Variants in PTPRK observed in about 807,000 individuals in gnomAD.
PTPRK encodes the protein receptor-type tyrosine-protein phosphatase kappa.
A neutral mutation model predicts 178.0 loss-of-function variants in PTPRK; 75 were observed. The observed-to-expected ratio is 0.42, with a 90% CI of 0.35 to 0.51. The LOEUF (loss-of-function observed/expected upper bound fraction) is 0.51. Among genes scored for constraint, PTPRK ranks in the 20% least tolerant of loss-of-function variants. PTPRK has a pLI of 0.02. For missense variants in PTPRK, 1,441 were observed against 1,797.8 expected (o/e 0.80, Z 3.59); for synonymous variants, 637 against 620.6 (o/e 1.03, Z -0.39).
intron 15 of PTPRK, among the ~76,000 whole-genome samples, chr6:128,002,536 A>G (rs1277874975): frequency 6.6e-6 from 1 of 151,962 alleles, no homozygotes; most frequent in Non-Finnish European, 1.5e-5. Flanking sequence ...AGGTTTAAAA[A>G]TTAATATAAT....
At chr6:128,326,282 T>A (rs902661504) in intron 2 of PTPRK, among the ~76,000 whole-genome samples, 26 of 152,124 alleles carry the variant, frequency 1.7e-4, no homozygotes, top group African/African-American at 5.1e-4. Flanking sequence ...ACATTCTGCA[T>A]ATGTATCTCA....
At position 128,520,402 on chromosome 6, in the gene PTPRK, CG is replaced by C. The variant is rs1299090174; in HGVS notation, c.-45del. The C allele has an allele frequency of 7.1e-6, 11 of 1,545,004 alleles. No individual in the cohort carries two copies. The highest frequency in any genetic ancestry group is 2.4e-5 in the East Asian group (1 of 41,580). Reference sequence around the variant, plus strand: ...TTCAAGCAGCTTTGCAAAGAGCTGCCGGGGGGATCGCCGCGAAATCCACGAC... The same window carrying C: ...TTCAAGCAGCTTTGCAAAGAGCTGCCGGGGGATCGCCGCGAAATCCACGAC... On this transcript the variant is annotated 5_prime_UTR_variant, in exon 1 of 30. Coordinates refer to ENST00000368226, the MANE Select transcript of PTPRK (RefSeq NM_002844.4).
At chr6:128,019,106 A>G (rs140400677) in intron 13 of PTPRK, among the ~76,000 whole-genome samples, 41 of 152,298 alleles carry the variant, frequency 2.7e-4, no homozygotes, top group Non-Finnish European at 5.3e-4. Context: ...TTTCTTGACA[A>G]TCTAAAACAT....
chr6:128,029,120 G>C (rs904045435), intron 13 of PTPRK, among the ~76,000 whole-genome samples: 1 of 152,040 alleles, frequency 6.6e-6, no homozygotes, highest in Non-Finnish European at 1.5e-5. Flanking sequence ...TTGGGGGTTG[G>C]CTCTCTCACG....
chr6:128,276,686 A>G (rs1174921667), intron 3 of PTPRK, among the ~76,000 whole-genome samples: 1 of 152,238 alleles, frequency 6.6e-6, no homozygotes, highest in Middle Eastern at 3.4e-3. Flanking sequence ...GTCTCTGTAG[A>G]TCTGGCTTGA....
At chr6:128,305,463 A>C (rs1228781831) in intron 3 of PTPRK, among the ~76,000 whole-genome samples, 2 of 152,208 alleles carry the variant, frequency 1.3e-5, no homozygotes, top group African/African-American at 2.4e-5. Flanking sequence ...AAACAAGTCT[A>C]CTAGAATCTA....
chr6:128,251,721 T>A lies in PTPRK; in HGVS notation c.496-9119A>T, dbSNP rs146189812. ...ACACGTGCCCACATAATTCTATGTA[T>A]CCATATATCACTGTAATTAATATTA... On this transcript the variant is annotated intron_variant, in intron 3 of 29. Transcript: ENST00000368226. Among the ~76,000 whole-genome samples, 382 of 152,284 alleles carry A rather than the reference T, an allele frequency of 2.5e-3. 1 individual carries two copies. Among genetic ancestry groups the A allele is most frequent in the African/African-American group, 8.8e-3 (364 of 41,554 alleles).
chr6:128,386,286 C>T (rs1008239506), intron 2 of PTPRK, among the ~76,000 whole-genome samples: 1 of 152,146 alleles, frequency 6.6e-6, no homozygotes, highest in African/African-American at 2.4e-5. Flanking sequence ...TTAAGAAGAA[C>T]TTTTTTACTA....
intron 2 of PTPRK, among the ~76,000 whole-genome samples, chr6:128,371,198 T>C (rs1431500969): frequency 6.6e-6 from 1 of 152,200 alleles, no homozygotes; most frequent in African/African-American, 2.4e-5. Flanking sequence ...CCCTTTACAA[T>C]TATTATACTG....
chr6:128,025,630 A>AACTGTATCTAGTTT (rs1562456546), intron 13 of PTPRK, among the ~76,000 whole-genome samples: 1 of 152,220 alleles, frequency 6.6e-6, no homozygotes, highest in Non-Finnish European at 1.5e-5. Flanking sequence ...TGGGAACTAG[A>AACTGTATCTAGTTT]GGGCCCCAAA....
rs191387207 is a variant in PTPRK at position 128,497,956 on chromosome 6, T to C, written c.100+22303A>G. 2.6e-5 allele frequency among the ~76,000 whole-genome samples: 4 copies of C among 152,284 alleles called. No homozygotes were observed. In the East Asian group the frequency reaches 5.8e-4, roughly 22 times the overall value. ...AACAATAAGTAGTTTTAAGAACAGG[T>C]TGACTAATATGCATCCTTAAAGAAT... is the stretch of plus-strand genomic sequence containing the variant. On this transcript the variant is annotated intron_variant, in intron 1 of 29. Coordinates refer to ENST00000368226, the MANE Select transcript of PTPRK (RefSeq NM_002844.4).
intron 2 of PTPRK, among the ~76,000 whole-genome samples, chr6:128,364,990 A>G (rs192754142): frequency 4.6e-5 from 7 of 152,160 alleles, no homozygotes; most frequent in African/African-American, 1.2e-4. Flanking sequence ...GAGTTTGATA[A>G]GCTATGTTTC....
intron 2 of PTPRK, among the ~76,000 whole-genome samples, chr6:128,334,815 G>A (rs144277101): frequency 3.3e-5 from 5 of 152,190 alleles, no homozygotes; most frequent in East Asian, 1.9e-4. Flanking sequence ...TTAAGGCCAA[G>A]CGCGGTGGCT....
intron 6 of PTPRK, among the ~76,000 whole-genome samples, chr6:128,205,022 T>C (rs576253623): frequency 2.3e-4 from 35 of 152,220 alleles, no homozygotes; most frequent in South Asian, 2.3e-3. Context: ...TAGATGCCCA[T>C]AAATGACCCA....
chr6:128,130,495 A>T (rs977141664), intron 7 of PTPRK, among the ~76,000 whole-genome samples: 2 of 151,974 alleles, frequency 1.3e-5, no homozygotes, highest in Non-Finnish European at 2.9e-5. Context: ...AAGTCCTAAA[A>T]TTTTTTTCCT....
intron 5 of PTPRK, among the ~76,000 whole-genome samples, chr6:128,231,150 T>A (rs1382021540): frequency 6.6e-6 from 1 of 152,204 alleles, no homozygotes; most frequent in Admixed American, 6.5e-5. Flanking sequence ...AAAAACCTTA[T>A]AATCCATGAT....
chr6:128,498,039 A>T (rs1200894707), intron 1 of PTPRK, among the ~76,000 whole-genome samples: 3 of 149,288 alleles, frequency 2.0e-5, no homozygotes, highest in Admixed American at 2.0e-4. Context: ...TCTGAGTTGT[A>T]AAAAAAAACA....
chr6:128,213,095 A>C (rs1583509414), intron 6 of PTPRK, among the ~76,000 whole-genome samples: 1 of 151,960 alleles, frequency 6.6e-6, no homozygotes, highest in Admixed American at 6.6e-5. Context: ...AATACTTTTC[A>C]GCTTTGAAAA....
At chr6:128,016,577 G>A (rs1034369655) in intron 13 of PTPRK, among the ~76,000 whole-genome samples, 1 of 151,818 alleles carries the variant, frequency 6.6e-6, no homozygotes, top group African/African-American at 2.4e-5. Context: ...GGGGTAATGT[G>A]CCCTGAAAGC....
Sources: gnomAD v4.1 joint callset for allele counts (sites outside exome capture counted in the v4.1 genomes callset) on GRCh38, gnomAD v4.1.1 for gene constraint, MANE v1.5 for transcripts, NCBI Gene and HGNC (gene_info 2026-07-23, HGNC 2026-07-21) for gene names.